The following ADAMTS6 variants were observed in gnomAD, a reference collection of about 807,000 sequenced individuals.
ADAMTS6 encodes A disintegrin and metalloproteinase with thrombospondin motifs 6.
Under a neutral mutation model 144.3 loss-of-function variants are expected in ADAMTS6, and 23 were observed. The ratio of observed to expected loss-of-function variants is 0.16; its 90% CI spans 0.11 to 0.23. The LOEUF is 0.23. ADAMTS6 is among the 10% of genes least tolerant of loss of function. ADAMTS6 has a pLI of 1.00. For synonymous variants in ADAMTS6, 444 were observed against 457.5 expected, an observed-to-expected ratio of 0.97 and a Z score of 0.38; for missense variants, 999 against 1,379.6, an observed-to-expected ratio of 0.72 and a Z score of 4.37.
rs13357994 is a variant in ADAMTS6, at chr5:65,272,801, G to T, written c.1620+539C>A. Among the ~76,000 whole-genome samples the T allele has an allele frequency of 4.2e-3, 639 of 151,914 alleles. 5 individuals are homozygous for T. Among genetic ancestry groups the T allele is most frequent in the African/African-American group, 0.015 (620 of 41,420 alleles). ...CTGGGCGTGGTGGTGTGTACCTGTA[G>T]TCCCAGCTACTTAGGAGGCTGAGGT... On this transcript the variant is annotated intron_variant, in intron 12 of 24. Transcript: ENST00000381055.
intron 7 of ADAMTS6, among the ~76,000 whole-genome samples, chr5:65,354,329 T>C (rs766234163): frequency 6.6e-6 from 1 of 151,842 alleles, no homozygotes; most frequent in Non-Finnish European, 1.5e-5. Context: ...CACCTACTTA[T>C]GGAACTTCAG....
chr5:65,294,115 G>T (rs976602840), intron 10 of ADAMTS6, among the ~76,000 whole-genome samples: 1 of 152,154 alleles, frequency 6.6e-6, no homozygotes, highest in African/African-American at 2.4e-5. Context: ...ATTTCTACAC[G>T]TTTACTACAT....
chr5:65,172,857 C>G lies in ADAMTS6; in HGVS notation c.3062G>C (p.Arg1021Pro). The G allele has an allele frequency of 6.2e-7, 1 of 1,614,056 alleles. No individual in the cohort carries two copies. ...CTGGCCCCAGTCTCCTGTGACCCAG[C>G]GAGGAGGAGGGCAGCGGCCCAAACT... is the stretch of plus-strand genomic sequence containing the variant. ...RCSLGRCPPP[R>P]WVTGDWGQCS... Residue 1021 changes from arginine (R) to proline (P), a missense_variant, in exon 23 of 25, where the codon CGC (arginine) becomes CCC (proline). Arg to Pro is a moderately radical substitution (Grantham distance 103). This residue lies in a region of ADAMTS6 where 619 missense variants were observed against 837.0 expected (regional missense o/e 0.74). Transcript: ENST00000381055.
chr5:65,449,915 T>G (rs1231467607), intron 7 of ADAMTS6, among the ~76,000 whole-genome samples: 1 of 152,176 alleles, frequency 6.6e-6, no homozygotes, highest in Non-Finnish European at 1.5e-5. Flanking sequence ...GATATAATAA[T>G]GCAAATGTGA....
intron 1 of ADAMTS6, among the ~76,000 whole-genome samples, chr5:65,480,313 TC>T (rs1202264120): frequency 6.6e-6 from 1 of 150,694 alleles, no homozygotes; most frequent in Non-Finnish European, 1.5e-5. Context: ...CACCCTCACC[TC>T]CCCCCGCCCC....
intron 18 of ADAMTS6, among the ~76,000 whole-genome samples, chr5:65,220,746 CA>C (rs886313375): frequency 5.9e-5 from 8 of 136,438 alleles, no homozygotes; most frequent in Non-Finnish European, 8.0e-5. Flanking sequence ...GACTCCGTCT[CA>C]AAAAAAAAAG....
intron 11 of ADAMTS6, among the ~76,000 whole-genome samples, chr5:65,281,006 T>G (rs1338661978): frequency 6.6e-6 from 1 of 152,152 alleles, no homozygotes. Flanking sequence ...AGGGATCATG[T>G]AGGGATGTTG....
intron 24 of ADAMTS6, among the ~76,000 whole-genome samples, chr5:65,158,297 G>C (rs907016236): frequency 6.6e-6 from 1 of 152,170 alleles, no homozygotes; most frequent in African/African-American, 2.4e-5. Flanking sequence ...GATTTCTGGA[G>C]CTGCCTAAGC....
At chr5:65,464,129 A>C (rs1361629386) in intron 3 of ADAMTS6, among the ~76,000 whole-genome samples, 3 of 152,338 alleles carry the variant, frequency 2.0e-5, no homozygotes, top group African/African-American at 7.2e-5. Flanking sequence ...GTTGATTTCA[A>C]TATCTTCTTA....
chr5:65,263,332 A>G (rs1761353988), intron 12 of ADAMTS6, among the ~76,000 whole-genome samples: 1 of 150,960 alleles, frequency 6.6e-6, no homozygotes, highest in South Asian at 2.1e-4. Flanking sequence ...TTTATATTTC[A>G]CTATTATTAG....
At chr5:65,196,522 C>CAAAAAAAAAAAAAAAAAAAA (rs533444182) in intron 21 of ADAMTS6, among the ~76,000 whole-genome samples, 3 of 38,036 alleles carry the variant, frequency 7.9e-5, no homozygotes, top group African/African-American at 7.8e-5. Context: ...GACTCCGTCT[C>CAAAAAAAAAAAAAAAAAAAA]AAAAAAAAAA....
intron 7 of ADAMTS6, among the ~76,000 whole-genome samples, chr5:65,341,621 A>G (rs545018774): frequency 6.6e-6 from 1 of 152,268 alleles, no homozygotes; most frequent in East Asian, 1.9e-4. Context: ...ATTCCTGGAC[A>G]CATGCAACTT....
chr5:65,421,604 G>C (rs542102348), intron 7 of ADAMTS6, among the ~76,000 whole-genome samples: 8 of 152,266 alleles, frequency 5.3e-5, no homozygotes, highest in African/African-American at 1.9e-4. Flanking sequence ...CAAGACTACA[G>C]TAACAAAAAC....
At chr5:65,445,220 T>C (rs569512009) in intron 7 of ADAMTS6, among the ~76,000 whole-genome samples, 1 of 152,370 alleles carries the variant, frequency 6.6e-6, no homozygotes, top group South Asian at 2.1e-4. Context: ...TTATTTGAAC[T>C]TCAACAAACA....
intron 9 of ADAMTS6, among the ~76,000 whole-genome samples, chr5:65,308,048 A>G (rs1454068188): frequency 1.3e-5 from 2 of 152,194 alleles, no homozygotes; most frequent in African/African-American, 4.8e-5. Flanking sequence ...CAAACTAGTA[A>G]AGTTCTCATA....
At chr5:65,269,485 G>GACCC (rs1761892807) in intron 12 of ADAMTS6, among the ~76,000 whole-genome samples, 1 of 152,130 alleles carries the variant, frequency 6.6e-6, no homozygotes, top group Non-Finnish European at 1.5e-5. Context: ...TAGGCTTAGT[G>GACCC]ACCCACTTGA....
At chr5:65,200,362 C>T (rs1057178256) in intron 20 of ADAMTS6, among the ~76,000 whole-genome samples, 2 of 152,126 alleles carry the variant, frequency 1.3e-5, no homozygotes, top group African/African-American at 2.4e-5. Context: ...TAAACTAAGT[C>T]CACAAGAGAA....
intron 11 of ADAMTS6, among the ~76,000 whole-genome samples, chr5:65,274,739 C>T (rs1005147386): frequency 1.3e-5 from 2 of 152,112 alleles, no homozygotes; most frequent in Admixed American, 6.5e-5. Context: ...GGCTGGAGTG[C>T]GGTGGCACAA....
intron 7 of ADAMTS6, among the ~76,000 whole-genome samples, chr5:65,371,523 G>A (rs970293126): frequency 1.5e-4 from 23 of 152,120 alleles, no homozygotes; most frequent in East Asian, 3.9e-4. Context: ...GGGTATCAGC[G>A]ATGGAAGATG....
Sources: gnomAD v4.1 joint callset for allele counts (sites outside exome capture counted in the v4.1 genomes callset) on GRCh38, gnomAD v4.1.1 for gene constraint, gnomAD v4.1.1 regional missense constraint, MANE v1.5 for transcripts, NCBI Gene and HGNC (gene_info 2026-07-23, HGNC 2026-07-21) for gene names.